Variants in SORCS3 observed in about 807,000 individuals in gnomAD.
SORCS3 encodes the protein sortilin related VPS10 domain containing receptor 3, also known as VPS10 domain-containing receptor SorCS3.
Under a neutral mutation model 146.3 loss-of-function variants are expected in SORCS3, and 57 were observed. That is an observed-to-expected ratio of 0.39 (90% CI 0.31 to 0.49). The LOEUF is 0.49. SORCS3 is among the 20% of genes least tolerant of loss of function. The pLI is 0.92. For synonymous variants in SORCS3, 653 were observed against 618.5 expected (o/e 1.06, Z -0.83); for missense variants, 1,341 against 1,575.5 (o/e 0.85, Z 2.52).
chr10:104,858,924 G>T (rs1202120841), intron 2 of SORCS3, among the ~76,000 whole-genome samples: 1 of 122,438 alleles, frequency 8.2e-6, no homozygotes, highest in African/African-American at 3.2e-5. Context: ...CCTGGCCTGA[G>T]AAGTGTACAT....
At chr10:104,697,933 A>C (rs1475500326) in intron 1 of SORCS3, among the ~76,000 whole-genome samples, 1 of 152,148 alleles carries the variant, frequency 6.6e-6, no homozygotes, top group Non-Finnish European at 1.5e-5. Context: ...CTCTGGTTTA[A>C]TTCTGTCACT....
chr10:104,851,446 TGTCCACAGCCTGA>T (rs1208926552), intron 2 of SORCS3, among the ~76,000 whole-genome samples: 42 of 152,226 alleles, frequency 2.8e-4, no homozygotes, highest in Admixed American at 5.9e-4. Context: ...TGCCCATCCC[TGTCCACAGCCTGA>T]GCTCTCTCTC....
chr10:105,053,155 G>T (rs1275907830), intron 5 of SORCS3, among the ~76,000 whole-genome samples: 1 of 152,030 alleles, frequency 6.6e-6, no homozygotes, highest in African/African-American at 2.4e-5. Context: ...CATTATGAGA[G>T]CCCCACCCTC....
intron 4 of SORCS3, among the ~76,000 whole-genome samples, chr10:105,035,839 TC>T (rs1388502746): frequency 6.6e-6 from 1 of 152,216 alleles, no homozygotes; most frequent in Admixed American, 6.5e-5. Flanking sequence ...TAATATTGCC[TC>T]TTTCAGGCTT....
intron 2 of SORCS3, among the ~76,000 whole-genome samples, chr10:104,848,956 G>T (rs918588773): frequency 3.9e-5 from 6 of 152,126 alleles, no homozygotes; most frequent in Non-Finnish European, 7.4e-5. Flanking sequence ...CTGTGCTCTA[G>T]AAATACTTGT....
chr10:104,675,350 C>CT (rs748144039), intron 1 of SORCS3, among the ~76,000 whole-genome samples: 25 of 152,144 alleles, frequency 1.6e-4, no homozygotes, highest in Non-Finnish European at 3.4e-4. Flanking sequence ...GACTTGACTT[C>CT]TTTGTCAGAT....
chr10:105,088,118 G>A (rs2055675679), intron 5 of SORCS3, among the ~76,000 whole-genome samples: 2 of 152,328 alleles, frequency 1.3e-5, no homozygotes, highest in Admixed American at 6.5e-5. Context: ...GGGGCAGGGA[G>A]ATGAGTGGAT....
At chr10:105,221,360 A>G (rs1361939403) in intron 19 of SORCS3, among the ~76,000 whole-genome samples, 1 of 152,218 alleles carries the variant, frequency 6.6e-6, no homozygotes, top group Non-Finnish European at 1.5e-5. Flanking sequence ...TAGAGGGACT[A>G]CTACCCAATG....
chr10:105,120,209 G>A (rs974586894), intron 7 of SORCS3, among the ~76,000 whole-genome samples: 10 of 152,132 alleles, frequency 6.6e-5, no homozygotes, highest in East Asian at 1.9e-4. Flanking sequence ...CCTTCCAGCC[G>A]CCCTGTGAAG....
At chr10:104,935,266 T>G (rs2037682) in intron 3 of SORCS3, among the ~76,000 whole-genome samples, 1,646 of 152,300 alleles carry the variant, frequency 0.011, 28 homozygotes, top group African/African-American at 0.037. Flanking sequence ...ACTCAGGATT[T>G]CAGGCTCTGA....
rs1424854566 is a variant in SORCS3 at position 104,773,474 on chromosome 10, A to G, written c.628-69318A>G. Among the ~76,000 whole-genome samples, 3 of 152,212 alleles carry G rather than the reference A, an allele frequency of 2.0e-5. No homozygotes were observed. The East Asian group carries it at 5.8e-4, about 29-fold the overall frequency. ...CATGATGAGAATATTTACACTATGG[A>G]AATTGGTAAATGCTATAAATCTGGG... On this transcript the variant is annotated intron_variant, in intron 1 of 26. Transcript: ENST00000369701.
At chr10:104,754,945 A>G (rs1008536434) in intron 1 of SORCS3, among the ~76,000 whole-genome samples, 4 of 152,194 alleles carry the variant, frequency 2.6e-5, no homozygotes, top group African/African-American at 9.6e-5. Flanking sequence ...GAAATAATCC[A>G]GATGGAGTCA....
chr10:104,677,805 A>G (rs1167550055), intron 1 of SORCS3, among the ~76,000 whole-genome samples: 1 of 152,190 alleles, frequency 6.6e-6, no homozygotes, highest in African/African-American at 2.4e-5. Flanking sequence ...TTCTGGAGAA[A>G]GTGTGGATAA....
intron 1 of SORCS3, among the ~76,000 whole-genome samples, chr10:104,685,393 A>T (rs919906953): frequency 6.6e-6 from 1 of 152,178 alleles, no homozygotes; most frequent in Non-Finnish European, 1.5e-5. Flanking sequence ...TTCTGGGACC[A>T]TCTACCAGTG....
At chr10:105,256,035 G>A (rs2056929437) in intron 24 of SORCS3, among the ~76,000 whole-genome samples, 3 of 152,122 alleles carry the variant, frequency 2.0e-5, no homozygotes, top group Non-Finnish European at 4.4e-5. Flanking sequence ...AGACGGTCTC[G>A]GAGAAAACCT....
At chr10:104,889,297 TTA>T (rs1182383951) in intron 2 of SORCS3, among the ~76,000 whole-genome samples, 1 of 151,248 alleles carries the variant, frequency 6.6e-6, no homozygotes, top group Non-Finnish European at 1.5e-5. Context: ...TTTTTTTTTT[TTA>T]AATCCGATCT....
intron 1 of SORCS3, among the ~76,000 whole-genome samples, chr10:104,786,525 G>C (rs1026949549): frequency 7.9e-6 from 1 of 126,932 alleles, no homozygotes; most frequent in Non-Finnish European, 1.6e-5. Flanking sequence ...TCCAGCTTGG[G>C]CTACAAGTAT....
At chr10:105,262,885 G>T (rs1201467764) in intron 26 of SORCS3, among the ~76,000 whole-genome samples, 1 of 152,114 alleles carries the variant, frequency 6.6e-6, no homozygotes, top group Admixed American at 6.5e-5. Flanking sequence ...TGACCTCTCT[G>T]TGCCTCAAAT....
At chr10:105,070,746 A>G (rs924955629) in intron 5 of SORCS3, among the ~76,000 whole-genome samples, 12 of 152,228 alleles carry the variant, frequency 7.9e-5, no homozygotes, top group African/African-American at 2.9e-4. Flanking sequence ...TCTGTTGAAT[A>G]AACAAGATAT....
Sources: gnomAD v4.1 joint callset for allele counts (sites outside exome capture counted in the v4.1 genomes callset) on GRCh38, gnomAD v4.1.1 for gene constraint, MANE v1.5 for transcripts, NCBI Gene and HGNC (gene_info 2026-07-23, HGNC 2026-07-21) for gene names.